Variants in NBPF20 observed in about 807,000 individuals in gnomAD.
NBPF20 encodes the protein NBPF family member NBPF20.
NBPF20 carries 90 observed loss-of-function variants against 68.1 expected under a neutral mutation model. The observed-to-expected ratio is 1.32, with a 90% CI of 1.11 to 1.58. NBPF20 has a LOEUF of 1.58. Ranked by LOEUF, NBPF20 falls within the 40% of genes most tolerant of loss-of-function variation. The pLI, the probability that NBPF20 is intolerant of heterozygous loss-of-function variation, is 0.00. For synonymous variants in NBPF20, 290 were observed against 228.1 expected (o/e 1.27, Z -2.45); for missense variants, 816 against 601.2 (o/e 1.36, Z -3.74).
upstream of NBPF20, among the ~76,000 whole-genome samples, chr1:145,410,343 C>T (rs1662959583): frequency 6.8e-6 from 1 of 147,078 alleles, no homozygotes; most frequent in Admixed American, 6.8e-5. Context: ...GAGACGGAGT[C>T]TCGCTCTGTC....
At chr1:145,291,514 A>G in exon 138 of NBPF20, 1 of 1,612,038 alleles carries the variant, frequency 6.2e-7, no homozygotes, top group Non-Finnish European at 8.5e-7. Flanking sequence ...CTCTCGGCTT[A>G]GTAAGGGCTG....
chr1:145,292,197 T>A (rs3928621), intron 137 of NBPF20, among the ~76,000 whole-genome samples, 184 bp downstream of exon 142: 28 of 149,770 alleles, frequency 1.9e-4, no homozygotes, highest in Non-Finnish European at 8.8e-5. Flanking sequence ...GGCACGTTAG[T>A]AAAAGATAAG....
chr1:145,399,710 G>C (rs1411577833), intron 6 of NBPF20, among the ~76,000 whole-genome samples: 5 of 131,928 alleles, frequency 3.8e-5, no homozygotes, highest in African/African-American at 1.5e-4. Flanking sequence ...CTGGGAGGCA[G>C]AGGTTGCACC....
At chr1:145,393,689 T>C in intron 9 of NBPF20, 195 bp downstream of exon 14, 1 of 1,428,290 alleles carries the variant, frequency 7.0e-7, no homozygotes, top group Non-Finnish European at 9.5e-7. Flanking sequence ...TTCACTAGGT[T>C]AGTAAATGAT....
chr1:145,409,229 TACTG>T (rs1662916003), upstream of NBPF20, among the ~76,000 whole-genome samples: 4 of 151,932 alleles, frequency 2.6e-5, no homozygotes, highest in South Asian at 6.2e-4. Context: ...GTCTCGTAAA[TACTG>T]AGTAGTATTC....
At chr1:145,412,332 G>T in the NBPF20 span, among the ~76,000 whole-genome samples, 2 of 152,018 alleles carry the variant, frequency 1.3e-5, no homozygotes, top group African/African-American at 4.8e-5. Context: ...ATTCCTGGTG[G>T]TATTTCAGAT....
the NBPF20 span, among the ~76,000 whole-genome samples, chr1:145,419,192 T>G: frequency 2.2e-4 from 25 of 113,208 alleles, no homozygotes; most frequent in East Asian, 2.5e-4. Context: ...AGGGAAAGAA[T>G]AAAGAGAGAG....
intron 61 of NBPF20, among the ~76,000 whole-genome samples, 158 bp from the exon 67 acceptor site, chr1:145,352,247 C>G (rs1661653750): frequency 1.7e-5 from 1 of 59,568 alleles, no homozygotes; most frequent in African/African-American, 6.8e-5. Context: ...TGGGACAGAA[C>G]AGGGCCAAAT....
chr1:145,292,342 T>G (rs1191663295), intron 137 of NBPF20, 39 bp downstream of exon 142: 6 of 656,100 alleles, frequency 9.1e-6, no homozygotes, highest in Non-Finnish European at 1.6e-5. Flanking sequence ...CCTCCAGGTG[T>G]TAACACAGAA....
intron 7 of NBPF20, among the ~76,000 whole-genome samples, chr1:145,396,819 G>A (rs1662269774): frequency 1.4e-5 from 2 of 146,560 alleles, no homozygotes; most frequent in African/African-American, 2.5e-5. Context: ...TGCACAACGT[G>A]CAGGTTAGTT....
At chr1:145,415,418 G>A in the NBPF20 span, among the ~76,000 whole-genome samples, 1 of 151,726 alleles carries the variant, frequency 6.6e-6, no homozygotes, top group Non-Finnish European at 1.5e-5. Context: ...CCTCAGCACA[G>A]ACCCTTTACG....
At chr1:145,417,621 C>CAAAA in the NBPF20 span, among the ~76,000 whole-genome samples, 10 of 53,166 alleles carry the variant, frequency 1.9e-4, no homozygotes, top group African/African-American at 4.0e-4. Context: ...CAACACAAAG[C>CAAAA]AAAAAAAAAA....
At chr1:145,400,579 A>G in exon 6 of NBPF20, 3 of 1,611,988 alleles carry the variant, frequency 1.9e-6, no homozygotes, top group Admixed American at 1.7e-5. Context: ...CCTTTTCTTC[A>G]GCCTTCTGCA....
At chr1:145,393,816 G>A in intron 9 of NBPF20, 68 bp downstream of exon 14, 1 of 1,243,950 alleles carries the variant, frequency 8.0e-7, no homozygotes, top group Non-Finnish European at 1.2e-6. Context: ...AGCATGTACT[G>A]TTTTCCCTGG....
At chr1:145,334,884 C>A (rs1188458287) in intron 83 of NBPF20, among the ~76,000 whole-genome samples, 1 of 136,444 alleles carries the variant, frequency 7.3e-6, no homozygotes, top group African/African-American at 2.5e-5. Context: ...AGCGAGTTGG[C>A]CGGGTGACAC....
intron 6 of NBPF20, 39 bp downstream of exon 11, chr1:145,400,350 C>T: frequency 6.2e-7 from 1 of 1,611,548 alleles, no homozygotes. Context: ...CTTCCTCAGC[C>T]TAGAGAGAGG....
chr1:145,406,052 G>T (rs1571379665), upstream of NBPF20, among the ~76,000 whole-genome samples: 1 of 149,346 alleles, frequency 6.7e-6, no homozygotes, highest in Admixed American at 6.7e-5. Context: ...CCAAGTAGCT[G>T]GGAATACAGG....
the NBPF20 span, among the ~76,000 whole-genome samples, chr1:145,413,520 A>T: frequency 6.6e-6 from 1 of 152,186 alleles, no homozygotes; most frequent in Non-Finnish European, 1.5e-5. Context: ...TGAATCTCAA[A>T]AACATTTTGA....
intron 8 of NBPF20, among the ~76,000 whole-genome samples, chr1:145,394,488 A>G (rs1470821160): frequency 9.9e-5 from 15 of 152,164 alleles, no homozygotes; most frequent in African/African-American, 3.6e-4. Context: ...CGAACTTAGA[A>G]GACACAGAAA....
Sources: allele counts gnomAD v4.1 joint callset (sites outside exome capture counted in the v4.1 genomes callset), GRCh38; gene constraint gnomAD v4.1.1; transcripts MANE v1.5; gene names NCBI Gene and HGNC (gene_info 2026-07-23, HGNC 2026-07-21).